Variants in PLCL2 observed in about 807,000 individuals in gnomAD.
PLCL2 encodes inactive phospholipase C-like protein 2.
Under a neutral mutation model 79.6 loss-of-function variants are expected in PLCL2, and 4 were observed. The observed-to-expected ratio is 0.05, with a 90% CI of 0.02 to 0.11. The LOEUF is 0.11. Among genes scored for constraint, PLCL2 ranks in the 10% least tolerant of loss-of-function variants. The pLI, the probability that PLCL2 is intolerant of heterozygous loss-of-function variation, is 1.00. For missense variants in PLCL2, 895 were observed against 1,291.0 expected (o/e 0.69, Z 4.70); for synonymous variants, 484 against 457.7 (o/e 1.06, Z -0.73).
rs905627314 is a variant in PLCL2 at position 16,886,010 on chromosome 3, G to A, written c.327+644G>A. 2.6e-5 allele frequency among the ~76,000 whole-genome samples: 4 copies of A among 152,172 alleles called. No homozygotes were observed. The highest frequency in any genetic ancestry group is 5.9e-5 in the Non-Finnish European group (4 of 68,036). On this transcript the variant is annotated intron_variant, in intron 1 of 5. Transcript: ENST00000615277. The surrounding 1 kb of genome is among the most constrained non-coding windows in gnomAD (Gnocchi z 4.2). The stretch of plus-strand genomic sequence containing the variant: ...TTTAATCTTTTTCCTTGCTGCAGTA[G>A]GCAGGCCTCGAGTACTGTGGAAGTT...
chr3:16,963,515 G>A (rs1395553378), intron 1 of PLCL2, among the ~76,000 whole-genome samples: 6 of 152,034 alleles, frequency 3.9e-5, no homozygotes. Flanking sequence ...TCCTATGCCA[G>A]CAAATATACA....
At position 17,010,709 on chromosome 3, in the gene PLCL2, G is replaced by A. The variant is rs1264843053; in HGVS notation, c.1363G>A (p.Asp455Asn). 5.0e-6 allele frequency: 8 copies of A among 1,613,942 alleles called. No individual in the cohort carries two copies. Among genetic ancestry groups the A allele is most frequent in the African/African-American group, 4.0e-5 (3 of 74,888 alleles). Residue 455 changes from aspartate (D) to asparagine (N), a missense_variant, in exon 2 of 6, where the codon GAC becomes AAC. Around this residue, in one of 6 missense-constraint regions of PLCL2, gnomAD observed 242 missense variants for 399.5 expected, o/e 0.61. Coordinates refer to ENST00000615277, the MANE Select transcript of PLCL2 (RefSeq NM_001144382.2). This position sits in a 1 kb window ranked among gnomAD's most constrained non-coding sequence, Gnocchi z 5.8. ...LIEDQFRGPS[D>N]ITGYIRALKM... The stretch of plus-strand genomic sequence containing the variant: ...AGAGGATCAGTTCCGAGGTCCCTCC[G>A]ACATCACAGGATATATTCGAGCTCT...
chr3:16,935,930 T>G (rs1010763655), intron 1 of PLCL2, among the ~76,000 whole-genome samples: 11 of 152,252 alleles, frequency 7.2e-5, no homozygotes, highest in Non-Finnish European at 1.3e-4. Flanking sequence ...TGCATTTCAC[T>G]GATAGCTCAT....
At chr3:17,022,035 T>C (rs2064460908) in intron 3 of PLCL2, among the ~76,000 whole-genome samples, 1 of 152,030 alleles carries the variant, frequency 6.6e-6, no homozygotes, top group South Asian at 2.1e-4. Context: ...GGGGCAGTGG[T>C]TTAGGGCCAT....
In PLCL2 at chr3:17,009,875, T is replaced by G; in HGVS notation, c.529T>G (p.Ser177Ala). 1 of 1,613,002 alleles carries G rather than the reference T, an allele frequency of 6.2e-7. No homozygotes were observed. Among genetic ancestry groups the G allele is most frequent in the Non-Finnish European group, 8.5e-7 (1 of 1,179,024 alleles). The change falls in exon 2 of 6, where the codon TCT becomes GCT. Residue 177 changes from serine to alanine, a missense_variant. Ser to Ala is a moderately conservative substitution (Grantham distance 99). This residue lies in a region of PLCL2 where 129 missense variants were observed against 208.8 expected (regional missense o/e 0.62). Coordinates refer to ENST00000615277, the MANE Select transcript of PLCL2 (RefSeq NM_001144382.2). This position sits in a 1 kb window ranked among gnomAD's most constrained non-coding sequence, Gnocchi z 4.0. The stretch of plus-strand genomic sequence containing the variant: ...CATGCAGAGCCTAAGGTGGGAGCCA[T>G]CTAAGAAGGATTCTGAGAAAGCCAA... ...ADMQSLRWEP[S>A]KKDSEKAKID...
chr3:16,907,253 C>G (rs569709545), intron 1 of PLCL2, among the ~76,000 whole-genome samples: 1 of 152,238 alleles, frequency 6.6e-6, no homozygotes, highest in East Asian at 1.9e-4. Context: ...AAAATAGCCA[C>G]TTATTTGTTC....
intron 1 of PLCL2, among the ~76,000 whole-genome samples, chr3:16,923,334 G>A (rs1296894719): frequency 6.6e-6 from 1 of 152,216 alleles, no homozygotes; most frequent in Non-Finnish European, 1.5e-5. Context: ...GAGGAGAGGG[G>A]AAGACGAGGG....
intron 5 of PLCL2, among the ~76,000 whole-genome samples, chr3:17,085,695 C>T (rs528618995): frequency 3.9e-4 from 57 of 145,512 alleles, no homozygotes; most frequent in Middle Eastern, 4.3e-3. Flanking sequence ...ATGATCCGCC[C>T]GCCTCGGCCT....
intron 1 of PLCL2, among the ~76,000 whole-genome samples, chr3:16,959,586 A>G (rs2063736754): frequency 6.6e-6 from 1 of 152,014 alleles, no homozygotes; most frequent in Non-Finnish European, 1.5e-5. Context: ...AGAAAAGAGC[A>G]TGGACCTTCC....
intron 5 of PLCL2, among the ~76,000 whole-genome samples, chr3:17,073,453 TC>T (rs1337324726): frequency 9.2e-5 from 14 of 152,318 alleles, no homozygotes; most frequent in African/African-American, 3.4e-4. Flanking sequence ...GGGTCTCACC[TC>T]CATGTTAATG....
At chr3:17,012,570 T>C (rs907715593) in intron 2 of PLCL2, among the ~76,000 whole-genome samples, 2 of 152,248 alleles carry the variant, frequency 1.3e-5, no homozygotes, top group Non-Finnish European at 2.9e-5. Context: ...CAGTCCTTTC[T>C]TACGAAGCTG....
chr3:17,023,233 C>T (rs2064475766), intron 3 of PLCL2, among the ~76,000 whole-genome samples: 1 of 152,214 alleles, frequency 6.6e-6, no homozygotes, highest in Non-Finnish European at 1.5e-5. Context: ...CAGCTCCTTT[C>T]CTCCTGCCTC....
At chr3:16,896,937 T>C (rs1696495860) in intron 1 of PLCL2, among the ~76,000 whole-genome samples, 1 of 152,188 alleles carries the variant, frequency 6.6e-6, no homozygotes, top group Non-Finnish European at 1.5e-5. Context: ...TAAAGTGCCC[T>C]GGGAGATTTT....
At chr3:17,071,964 CTA>C (rs1160045573) in intron 5 of PLCL2, among the ~76,000 whole-genome samples, 1 of 151,936 alleles carries the variant, frequency 6.6e-6, no homozygotes, top group Non-Finnish European at 1.5e-5. Context: ...ATAGCTGGGA[CTA>C]TATGCATGTG....
intron 1 of PLCL2, among the ~76,000 whole-genome samples, chr3:16,927,754 A>G (rs1392635905): frequency 5.5e-5 from 8 of 145,554 alleles, no homozygotes; most frequent in Non-Finnish European, 1.6e-5. Flanking sequence ...AATGAGAACC[A>G]CTGATCTGGG....
chr3:16,951,370 A>G (rs2124959564), intron 1 of PLCL2, among the ~76,000 whole-genome samples: 1 of 152,220 alleles, frequency 6.6e-6, no homozygotes, highest in Non-Finnish European at 1.5e-5. Flanking sequence ...TTAACATACT[A>G]TCTGAATTTT....
chr3:17,042,565 G>A (rs56386177), intron 3 of PLCL2, among the ~76,000 whole-genome samples: 20,614 of 152,084 alleles, frequency 0.14, 1,665 homozygotes, highest in African/African-American at 0.22. Flanking sequence ...AGATTTGCAC[G>A]CATATTTGTA....
At chr3:16,902,586 G>A (rs1696647736) in intron 1 of PLCL2, among the ~76,000 whole-genome samples, 1 of 152,126 alleles carries the variant, frequency 6.6e-6, no homozygotes, top group African/African-American at 2.4e-5. Flanking sequence ...CAGCACTTTA[G>A]GATGCCAAGG....
At chr3:17,059,732 T>C (rs1345853156) in intron 4 of PLCL2, among the ~76,000 whole-genome samples, 1 of 152,026 alleles carries the variant, frequency 6.6e-6, no homozygotes, top group African/African-American at 2.4e-5. Flanking sequence ...AGTGGTTGCC[T>C]GAGAAGGGGA....
Sources: gnomAD v4.1 joint callset for allele counts (sites outside exome capture counted in the v4.1 genomes callset) on GRCh38, gnomAD v4.1.1 for gene constraint, gnomAD v4.1.1 regional missense constraint, Gnocchi (gnomAD v3.1) non-coding constraint, MANE v1.5 for transcripts, NCBI Gene and HGNC (gene_info 2026-07-23, HGNC 2026-07-21) for gene names.